RBFOX3: variants seen among roughly 807,000 people sequenced by gnomAD.
RBFOX3 encodes RNA binding protein fox-1 homolog 3.
In RBFOX3, 17 loss-of-function variants were observed where a neutral mutation model predicts 48.7. That is an observed-to-expected ratio of 0.35 (90% CI 0.24 to 0.52). The LOEUF is 0.52. RBFOX3 is among the 20% of genes least tolerant of loss of function. RBFOX3 has a pLI of 0.94. For synonymous variants in RBFOX3, 212 were observed against 209.5 expected, an observed-to-expected ratio of 1.01 and a Z score of -0.10; for missense variants, 382 against 497.5, an observed-to-expected ratio of 0.77 and a Z score of 2.21.
At chr17:79,318,969 C>T (rs920391119) in intron 2 of RBFOX3, among the ~76,000 whole-genome samples, 3 of 147,300 alleles carry the variant, frequency 2.0e-5, no homozygotes, top group Non-Finnish European at 3.0e-5. Context: ...CACATGTATA[C>T]ATATGTAACT....
chr17:79,144,209 T>C (rs1405919611), intron 4 of RBFOX3, among the ~76,000 whole-genome samples: 3 of 152,168 alleles, frequency 2.0e-5, no homozygotes, highest in Non-Finnish European at 4.4e-5. Flanking sequence ...CTCCAAGCCG[T>C]CCTGGCATCA....
chr17:79,620,160 GACATGCACAC>G, the RBFOX3 span, among the ~76,000 whole-genome samples: 40 of 8,882 alleles, frequency 4.5e-3, no homozygotes, highest in Admixed American at 0.02. Flanking sequence ...TGCACGCGCG[GACATGCACAC>G]ACATGCACAC....
At chr17:79,570,082 G>A (rs1016916285) in intron 1 of RBFOX3, among the ~76,000 whole-genome samples, 9 of 149,222 alleles carry the variant, frequency 6.0e-5, no homozygotes, top group Non-Finnish European at 1.2e-4. Context: ...GAGAAGGAAT[G>A]GACAGATGGA....
chr17:79,331,362 G>A (rs2080258539), intron 2 of RBFOX3, among the ~76,000 whole-genome samples: 1 of 152,110 alleles, frequency 6.6e-6, no homozygotes, highest in Non-Finnish European at 1.5e-5. Flanking sequence ...GTCCCGTTCT[G>A]TTCACATTAC....
At chr17:79,487,080 A>T (rs2149542493) in intron 1 of RBFOX3, among the ~76,000 whole-genome samples, 1 of 152,308 alleles carries the variant, frequency 6.6e-6, no homozygotes, top group Non-Finnish European at 1.5e-5. Flanking sequence ...AGTGAGAGAG[A>T]CCGAGGGAGG....
At chr17:79,476,934 A>G (rs1165338170) in intron 2 of RBFOX3, among the ~76,000 whole-genome samples, 60 of 152,080 alleles carry the variant, frequency 3.9e-4, no homozygotes, top group Non-Finnish European at 8.8e-5. Flanking sequence ...GAGACGGAAG[A>G]GGAAGAAGAA....
At chr17:79,321,091 C>A (rs1289960482) in intron 2 of RBFOX3, among the ~76,000 whole-genome samples, 1 of 152,216 alleles carries the variant, frequency 6.6e-6, no homozygotes, top group Non-Finnish European at 1.5e-5. Flanking sequence ...CACGAGGCAG[C>A]TCAGTGATTG....
intron 1 of RBFOX3, among the ~76,000 whole-genome samples, chr17:79,584,768 TA>T (rs1162305597): frequency 1.2e-4 from 10 of 83,034 alleles, no homozygotes; most frequent in African/African-American, 2.3e-4. Context: ...TATTTTTATT[TA>T]TTTATTTTTT....
intron 2 of RBFOX3, among the ~76,000 whole-genome samples, chr17:79,475,824 G>T (rs2077656639): frequency 6.6e-6 from 1 of 152,208 alleles, no homozygotes; most frequent in Non-Finnish European, 1.5e-5. Context: ...GATGGCCAGT[G>T]GCCCCCAGAG....
intron 2 of RBFOX3, among the ~76,000 whole-genome samples, chr17:79,468,140 T>G (rs2076557689): frequency 6.6e-6 from 1 of 152,120 alleles, no homozygotes; most frequent in Non-Finnish European, 1.5e-5. Flanking sequence ...CCATTTGCCC[T>G]TCCCACCCTG....
chr17:79,582,953 A>G (rs956448139), intron 1 of RBFOX3, among the ~76,000 whole-genome samples: 12 of 152,116 alleles, frequency 7.9e-5, no homozygotes, highest in African/African-American at 2.9e-4. Context: ...TGCGACCCAC[A>G]ATGGGCCTCT....
At chr17:79,302,629 C>A (rs1171149553) in intron 3 of RBFOX3, among the ~76,000 whole-genome samples, 1 of 151,992 alleles carries the variant, frequency 6.6e-6, no homozygotes, top group Non-Finnish European at 1.5e-5. Context: ...TGCACTCCAG[C>A]CTGGGCAACA....
chr17:79,607,561 C>T (rs1599281267), intron 1 of RBFOX3, among the ~76,000 whole-genome samples: 2 of 152,282 alleles, frequency 1.3e-5, no homozygotes, highest in South Asian at 4.2e-4. Flanking sequence ...GGGATAGGAG[C>T]GTGACTTATG....
At chr17:79,599,562 A>ACCT (rs1256195210) in intron 1 of RBFOX3, 1 of 152,188 alleles carries the variant, frequency 6.6e-6, no homozygotes, top group Non-Finnish European at 1.5e-5. Context: ...CCCACTGAGC[A>ACCT]CCTCCGACAG....
chr17:79,636,466 AT>A, the RBFOX3 span, among the ~76,000 whole-genome samples: 1 of 152,102 alleles, frequency 6.6e-6, no homozygotes, highest in Non-Finnish European at 1.5e-5. Flanking sequence ...ATCAAATATA[AT>A]TTTTTAATAG....
Position 79,220,618 on chromosome 17 carries a change from G to C in RBFOX3, c.-34+15148C>G, listed in dbSNP as rs559112207. 1.3e-5 allele frequency among the ~76,000 whole-genome samples: 2 copies of C among 149,264 alleles called. No individual in the cohort carries two copies. The highest frequency in any genetic ancestry group is 4.3e-4 in the South Asian group (2 of 4,700). The stretch of plus-strand genomic sequence containing the variant: ...GGGAGGGTGTGTGTGTGTGTGTGTC[G>C]GGGGGACACAAAACCTTCCAGCCTA... On this transcript the variant is annotated intron_variant, in intron 4 of 14. Transcript: ENST00000693108. The surrounding 1 kb of genome is among the most constrained non-coding windows in gnomAD (Gnocchi z 5.9).
intron 1 of RBFOX3, among the ~76,000 whole-genome samples, chr17:79,544,522 C>A (rs1555791262): frequency 1.3e-5 from 2 of 151,972 alleles, no homozygotes; most frequent in Non-Finnish European, 2.9e-5. Flanking sequence ...ATCAGGAGCC[C>A]CCATCAAGGC....
chr17:79,127,287 A>G (rs1470587073), intron 4 of RBFOX3, among the ~76,000 whole-genome samples: 4 of 152,174 alleles, frequency 2.6e-5, no homozygotes, highest in Non-Finnish European at 4.4e-5. Context: ...CCAGGTGGCC[A>G]GTTCAAGAGC....
At chr17:79,501,463 G>A (rs2082374302) in intron 1 of RBFOX3, among the ~76,000 whole-genome samples, 2 of 152,232 alleles carry the variant, frequency 1.3e-5, no homozygotes, top group Admixed American at 6.5e-5. Flanking sequence ...GAGTCACTGG[G>A]GTTGGTGGGG....
Sources: allele counts gnomAD v4.1 joint callset (sites outside exome capture counted in the v4.1 genomes callset), GRCh38; gene constraint gnomAD v4.1.1; non-coding constraint Gnocchi (gnomAD v3.1); transcripts MANE v1.5; gene names NCBI Gene and HGNC (gene_info 2026-07-23, HGNC 2026-07-21).